Variants in EFCAB7 observed in about 807,000 individuals in gnomAD.
EFCAB7 encodes the protein EF-hand calcium-binding domain-containing protein 7.
A neutral mutation model predicts 77.1 loss-of-function variants in EFCAB7; 66 were observed. The ratio of observed to expected loss-of-function variants is 0.86; its 90% CI spans 0.70 to 1.05. The LOEUF (loss-of-function observed/expected upper bound fraction) is 1.05, where lower values mean the gene tolerates loss of function less well. Ranked by LOEUF, EFCAB7 falls within the 50% of genes least tolerant of loss-of-function variation. EFCAB7 has a pLI of 0.00. For synonymous variants in EFCAB7, 225 were observed against 243.3 expected, an observed-to-expected ratio of 0.92 and a Z score of 0.70; for missense variants, 638 against 730.5, an observed-to-expected ratio of 0.87 and a Z score of 1.46.
intron 7 of EFCAB7, chr1:63,549,344 A>G (rs778118162): frequency 1.3e-5 from 6 of 470,860 alleles, no homozygotes; most frequent in Non-Finnish European, 2.6e-5. Context: ...TGCAAGGAAC[A>G]AAATGTTTGT....
chr1:63,563,971 C>G (rs1215775825), intron 11 of EFCAB7, among the ~76,000 whole-genome samples: 2 of 151,602 alleles, frequency 1.3e-5, no homozygotes, highest in Non-Finnish European at 2.9e-5. Context: ...CCTTTTTTTT[C>G]TGTTTTCCTT....
intron 3 of EFCAB7, 76 bp from the exon 4 acceptor site, chr1:63,532,590 AAAAT>A: frequency 9.6e-6 from 10 of 1,040,180 alleles, no homozygotes; most frequent in African/African-American, 1.6e-5. Context: ...GGAAAAGATT[AAAAT>A]GTGCTTCCAC....
intron 6 of EFCAB7, among the ~76,000 whole-genome samples, chr1:63,542,845 G>A (rs1196565346): frequency 6.6e-6 from 1 of 152,004 alleles, no homozygotes; most frequent in Non-Finnish European, 1.5e-5. Flanking sequence ...TTCTTTATAT[G>A]CTCTATATAT....
chr1:63,536,980 A>G (rs1189231573), intron 6 of EFCAB7, among the ~76,000 whole-genome samples: 2 of 152,258 alleles, frequency 1.3e-5, no homozygotes, highest in Admixed American at 6.5e-5. Flanking sequence ...AGAAGGAGGG[A>G]CTTTTCAGAA....
chr1:63,558,442 A>T (rs556929476), intron 10 of EFCAB7, among the ~76,000 whole-genome samples: 1 of 152,324 alleles, frequency 6.6e-6, no homozygotes, highest in African/African-American at 2.4e-5. Context: ...TCACTTTATA[A>T]ATCAGGAAAT....
At chr1:63,564,824 A>G (rs1647151232) in intron 11 of EFCAB7, among the ~76,000 whole-genome samples, 1 of 152,230 alleles carries the variant, frequency 6.6e-6, no homozygotes, top group African/African-American at 2.4e-5. Flanking sequence ...CTACAGGGCT[A>G]CAGTAACCAA....
chr1:63,583,036 A>G, the EFCAB7 span, among the ~76,000 whole-genome samples: 1 of 152,142 alleles, frequency 6.6e-6, no homozygotes, highest in East Asian at 1.9e-4. Flanking sequence ...CCAGCAAAGA[A>G]GGATCAGATG....
Position 63,534,120 on chromosome 1 carries a change from A to G in EFCAB7, c.708A>G (p.Ser236=). Reference sequence around the variant, plus strand: ...GTGACACCAGGAGTTCTTTACTGTCAGCAACCAGGAAGTTCAAAACATCTG... The same window carrying G: ...GTGACACCAGGAGTTCTTTACTGTCGGCAACCAGGAAGTTCAAAACATCTG... The part of the protein sequence containing the change: ...NKGDTRSSLL[S]ATRKFKTSVS... The change falls in exon 6 of 14, where the codon TCA becomes TCG. Residue 236 remains serine (S), a synonymous_variant. Transcript: ENST00000371088. 1 of 1,613,408 alleles carries G rather than the reference A, an allele frequency of 6.2e-7. No homozygotes were observed. Among genetic ancestry groups the G allele is most frequent in the Non-Finnish European group, 8.5e-7 (1 of 1,179,540 alleles).
chr1:63,575,967 T>C (rs939102909), downstream of EFCAB7, among the ~76,000 whole-genome samples: 10 of 152,276 alleles, frequency 6.6e-5, no homozygotes, highest in African/African-American at 2.4e-4. Context: ...TCTTCATGAG[T>C]TTGCAAGTTT....
chr1:63,524,283 CAT>C (rs1230554804), intron 1 of EFCAB7, among the ~76,000 whole-genome samples: 4 of 152,218 alleles, frequency 2.6e-5, no homozygotes, highest in Admixed American at 2.0e-4. Flanking sequence ...TGCATGCACA[CAT>C]ATGTGTTTAG....
At chr1:63,558,996 A>G (rs1647061795) in intron 10 of EFCAB7, among the ~76,000 whole-genome samples, 1 of 151,810 alleles carries the variant, frequency 6.6e-6, no homozygotes, top group South Asian at 2.1e-4. Flanking sequence ...CAGCCTGGAC[A>G]ACAGAGCAAA....
chr1:63,560,110 G>A (rs922081752), intron 10 of EFCAB7, among the ~76,000 whole-genome samples: 1 of 151,772 alleles, frequency 6.6e-6, no homozygotes, highest in Non-Finnish European at 1.5e-5. Flanking sequence ...CCGCCACCAC[G>A]CCCGGCTAAT....
the EFCAB7 span, among the ~76,000 whole-genome samples, chr1:63,578,913 A>T: frequency 1.3e-4 from 20 of 152,346 alleles, no homozygotes; most frequent in African/African-American, 4.1e-4. Context: ...TACCTGTAAC[A>T]TACATTTTTT....
downstream of EFCAB7, among the ~76,000 whole-genome samples, chr1:63,575,839 G>A (rs1647395222): frequency 6.6e-6 from 1 of 151,842 alleles, no homozygotes; most frequent in Non-Finnish European, 1.5e-5. Context: ...TTGGTGCCTT[G>A]GCCTCTCAAA....
intron 1 of EFCAB7, among the ~76,000 whole-genome samples, chr1:63,524,096 G>A (rs1646533563): frequency 1.3e-5 from 2 of 152,148 alleles, no homozygotes; most frequent in South Asian, 4.1e-4. Context: ...GAAAGGAAAA[G>A]AATAAAATTC....
downstream of EFCAB7, chr1:63,572,735 T>C (rs896682487): frequency 6.8e-6 from 6 of 884,916 alleles, no homozygotes; most frequent in African/African-American, 9.0e-5. Context: ...TTTTCTTTTT[T>C]TTTTTCTCAG....
intron 5 of EFCAB7, 145 bp downstream of exon 5, chr1:63,533,794 G>C (rs1352789733): frequency 1.3e-5 from 9 of 668,464 alleles, no homozygotes; most frequent in Non-Finnish European, 2.1e-5. Flanking sequence ...TCTTTCAGCT[G>C]TAAAAATCTA....
chr1:63,576,982 A>C (rs1008630339), downstream of EFCAB7, among the ~76,000 whole-genome samples: 1 of 151,874 alleles, frequency 6.6e-6, no homozygotes, highest in Non-Finnish European at 1.5e-5. Flanking sequence ...CCCCATCTGT[A>C]CTAAAAATAC....
In EFCAB7 at chr1:63,568,378, G is replaced by T; in HGVS notation, c.1566G>T (p.Glu522Asp). 6.3e-7 allele frequency: 1 copy of T among 1,591,332 alleles called. No individual in the cohort carries two copies. Among genetic ancestry groups the T allele is most frequent in the Non-Finnish European group, 8.5e-7 (1 of 1,171,966 alleles). Residue 522 changes from glutamate to aspartate, a missense_variant, in exon 12 of 14, where the codon GAG becomes GAT. Transcript: ENST00000371088. ...CAAAAATTAAAGCTGTCCATATGGA[G>T]GCATGTAGTGGACAACTTGAGAAGG... ...CKPKIKAVHM[E>D]ACSGQLEKAI...
Sources: gnomAD v4.1 joint callset for allele counts (sites outside exome capture counted in the v4.1 genomes callset) on GRCh38, gnomAD v4.1.1 for gene constraint, MANE v1.5 for transcripts, NCBI Gene and HGNC (gene_info 2026-07-23, HGNC 2026-07-21) for gene names.